The following DLC1 variants were observed in gnomAD, a reference collection of about 807,000 sequenced individuals.
DLC1 encodes the protein DLC1 Rho GTPase activating protein.
DLC1 carries 54 observed loss-of-function variants against 140.3 expected under a neutral mutation model. The observed-to-expected ratio is 0.38, with a 90% CI of 0.31 to 0.48. DLC1 has a LOEUF of 0.48. Among genes scored for constraint, DLC1 ranks in the 20% least tolerant of loss-of-function variants. The probability of loss-of-function intolerance (pLI) is 0.96; values close to 1 mark genes in which losing one functional copy is unlikely to be tolerated. For missense variants in DLC1, 2,536 were observed against 1,907.0 expected, an observed-to-expected ratio of 1.33 and a Z score of -6.14; for synonymous variants, 986 against 728.1, an observed-to-expected ratio of 1.35 and a Z score of -5.70.
At chr8:13,307,055 T>G (rs1169828404) in intron 4 of DLC1, among the ~76,000 whole-genome samples, 5 of 111,590 alleles carry the variant, frequency 4.5e-5, no homozygotes, top group East Asian at 3.0e-4. Context: ...TTGCACTCCA[T>G]CCAGGGTGAC....
At chr8:13,406,976 C>T (rs948724979) in intron 2 of DLC1, among the ~76,000 whole-genome samples, 1 of 152,204 alleles carries the variant, frequency 6.6e-6, no homozygotes, top group East Asian at 1.9e-4. Context: ...CAGAAACATC[C>T]TGTTGCTTTG....
At chr8:13,218,613 A>G (rs1170435374) in intron 5 of DLC1, among the ~76,000 whole-genome samples, 2 of 151,732 alleles carry the variant, frequency 1.3e-5, no homozygotes, top group Admixed American at 6.6e-5. Context: ...ATAATTTGAG[A>G]AAAGGAAAAT....
intron 5 of DLC1, among the ~76,000 whole-genome samples, chr8:13,293,976 T>A (rs766156505): frequency 1.3e-5 from 2 of 152,194 alleles, no homozygotes; most frequent in African/African-American, 2.4e-5. Flanking sequence ...AAAATTATAA[T>A]TTTATCGAAC....
chr8:13,405,978 C>CA (rs1409713158), intron 2 of DLC1, among the ~76,000 whole-genome samples: 5 of 54,464 alleles, frequency 9.2e-5, no homozygotes, highest in East Asian at 7.3e-4. Context: ...TCTTTCATCT[C>CA]TCTCTCTCTC....
chr8:13,182,085 C>T (rs948787947), intron 5 of DLC1, among the ~76,000 whole-genome samples: 1 of 152,064 alleles, frequency 6.6e-6, no homozygotes, highest in Non-Finnish European at 1.5e-5. Flanking sequence ...CTCTGATGAC[C>T]AGGGATGATG....
chr8:13,434,095 G>A (rs962618448), intron 2 of DLC1, among the ~76,000 whole-genome samples: 11 of 152,058 alleles, frequency 7.2e-5, no homozygotes, highest in African/African-American at 2.7e-4. Flanking sequence ...CAGGCTTGTC[G>A]CGAACTTCTG....
intron 5 of DLC1, among the ~76,000 whole-genome samples, chr8:13,261,009 T>C (rs1008963953): frequency 6.6e-6 from 1 of 152,244 alleles, no homozygotes; most frequent in African/African-American, 2.4e-5. Flanking sequence ...TGTCCGTTGA[T>C]TAAGTCATTC....
At chr8:13,579,182 C>G (rs1214244606) in intron 1 of DLC1, among the ~76,000 whole-genome samples, 2 of 138,040 alleles carry the variant, frequency 1.4e-5, no homozygotes, top group African/African-American at 2.7e-5. Flanking sequence ...AATATTAGAA[C>G]AAAAGAGTCT....
intron 1 of DLC1, among the ~76,000 whole-genome samples, chr8:13,552,265 AC>A (rs1803893972): frequency 6.7e-6 from 1 of 148,546 alleles, no homozygotes; most frequent in Non-Finnish European, 1.5e-5. Context: ...CTACATATAT[AC>A]CTATATACAA....
intron 1 of DLC1, among the ~76,000 whole-genome samples, chr8:13,547,488 G>C (rs111751917): frequency 6.6e-6 from 1 of 152,104 alleles, no homozygotes; most frequent in East Asian, 1.9e-4. Context: ...TGTCTTAAGG[G>C]ATACTCTTCA....
chr8:13,229,133 G>A (rs1259187805), intron 5 of DLC1, among the ~76,000 whole-genome samples: 3 of 152,102 alleles, frequency 2.0e-5, no homozygotes. Flanking sequence ...ATACCCAAAC[G>A]TTCATAGCAG....
intron 1 of DLC1, among the ~76,000 whole-genome samples, chr8:13,504,554 C>T (rs1445030638): frequency 6.6e-6 from 1 of 152,098 alleles, no homozygotes; most frequent in Non-Finnish European, 1.5e-5. Context: ...GAACAATAGA[C>T]CACGTAAGAA....
At chr8:13,292,769 T>C (rs1330464017) in intron 5 of DLC1, among the ~76,000 whole-genome samples, 1 of 152,262 alleles carries the variant, frequency 6.6e-6, no homozygotes, top group East Asian at 1.9e-4. Context: ...TCTTCATTTT[T>C]AAAAAATGCA....
chr8:13,202,519 T>C (rs1827445196), intron 5 of DLC1, among the ~76,000 whole-genome samples: 1 of 152,206 alleles, frequency 6.6e-6, no homozygotes, highest in African/African-American at 2.4e-5. Context: ...CTACCATCTC[T>C]GCAGAATTTC....
At chr8:13,212,440 T>G (rs1472227301) in intron 5 of DLC1, among the ~76,000 whole-genome samples, 1 of 152,234 alleles carries the variant, frequency 6.6e-6, no homozygotes, top group Non-Finnish European at 1.5e-5. Flanking sequence ...TTGCTATGTC[T>G]CTAGTGCTTA....
chr8:13,306,980 A>G (rs1586105865), intron 4 of DLC1, among the ~76,000 whole-genome samples: 2 of 146,156 alleles, frequency 1.4e-5, no homozygotes, highest in Admixed American at 1.4e-4. Flanking sequence ...GCTACTCAGG[A>G]GGCTGAGGCA....
intron 3 of DLC1, among the ~76,000 whole-genome samples, chr8:13,393,962 G>C (rs1277529949): frequency 6.6e-6 from 1 of 152,174 alleles, no homozygotes; most frequent in Non-Finnish European, 1.5e-5. Flanking sequence ...GAAAGGCAGG[G>C]AGTGTGGCTA....
At chr8:13,307,908 A>G (rs1168327779) in intron 4 of DLC1, among the ~76,000 whole-genome samples, 2 of 152,234 alleles carry the variant, frequency 1.3e-5, no homozygotes, top group Non-Finnish European at 2.9e-5. Context: ...ATGAAGGAGG[A>G]AAAAAGTTTG....
At position 13,099,581 on chromosome 8, in the gene DLC1, A is replaced by G. The variant is rs534330340; in HGVS notation, c.2756T>C (p.Ile919Thr). The change falls in exon 9 of 18, where the codon ATA becomes ACA. Residue 919 changes from isoleucine to threonine, a missense_variant. Physicochemically the swap from Ile to Thr is moderately conservative, Grantham distance 89. Transcript: ENST00000276297. ...ILYHVKGMQRIVNQWSEKFSD... is the reference protein window; with the variant it reads ...ILYHVKGMQRTVNQWSEKFSD... ...AAACTTCTCCGACCACTGATTGACTATCCGCTGCATCCCCTTCACGTGGTA... is the reference window on the plus strand; with the variant it reads ...AAACTTCTCCGACCACTGATTGACTGTCCGCTGCATCCCCTTCACGTGGTA... 1.9e-6 allele frequency: 3 copies of G among 1,614,106 alleles called. No homozygotes were observed. The South Asian group carries it at 3.3e-5, about 18-fold the overall frequency.
Sources: gnomAD v4.1 joint callset for allele counts (sites outside exome capture counted in the v4.1 genomes callset) on GRCh38, gnomAD v4.1.1 for gene constraint, MANE v1.5 for transcripts, NCBI Gene and HGNC (gene_info 2026-07-23, HGNC 2026-07-21) for gene names.